TSPAN18: variants seen among roughly 807,000 people sequenced by gnomAD.
TSPAN18 encodes tetraspanin-18.
A neutral mutation model predicts 27.3 loss-of-function variants in TSPAN18; 14 were observed. The observed-to-expected ratio is 0.51, with a 90% confidence interval of 0.34 to 0.80. The LOEUF (loss-of-function observed/expected upper bound fraction) is 0.80, where lower values mean the gene tolerates loss of function less well. TSPAN18 is among the 30% of genes least tolerant of loss of function. The probability of loss-of-function intolerance (pLI) is 0.01; values close to 1 mark genes in which losing one functional copy is unlikely to be tolerated. For synonymous variants in TSPAN18, 143 were observed against 136.5 expected (o/e 1.05, Z -0.33); for missense variants, 268 against 323.9 (o/e 0.83, Z 1.32).
intron 3 of TSPAN18, among the ~76,000 whole-genome samples, chr11:44,892,273 C>T (rs1383848295): frequency 2.0e-5 from 3 of 152,206 alleles, no homozygotes; most frequent in African/African-American, 4.8e-5. Flanking sequence ...CTGCTGGGCT[C>T]ACATGACAGG....
At position 44,925,162 on chromosome 11, in the gene TSPAN18, CTG is replaced by C. The variant is rs148210410; in HGVS notation, c.616-1511_616-1510del. Among the ~76,000 whole-genome samples, 11 of 152,364 alleles carry C rather than the reference CTG, an allele frequency of 7.2e-5. No homozygotes were observed. In the East Asian group the frequency reaches 2.1e-3, roughly 29 times the overall value. On this transcript the variant is annotated intron_variant, in intron 8 of 9. Coordinates refer to ENST00000520358, the MANE Select transcript of TSPAN18 (RefSeq NM_130783.5). ...TTAAGACCTTTTCTCCTTGTCATCT[CTG>C]GGCTTGAGGTCTTTCAAAGCCTGGC...
chr11:44,894,839 C>G (rs11038188), intron 3 of TSPAN18, among the ~76,000 whole-genome samples: 110,308 of 152,060 alleles, frequency 0.73, 41,349 homozygotes, highest in Non-Finnish European at 0.84. Context: ...GGAGACTTTG[C>G]AGACTGGGGC....
chr11:44,920,461 C>A (rs1054963013), intron 8 of TSPAN18, among the ~76,000 whole-genome samples: 1 of 135,908 alleles, frequency 7.4e-6, no homozygotes, highest in Non-Finnish European at 1.5e-5. Context: ...GTCAGAGAAG[C>A]TCCTAGACTT....
At chr11:44,892,174 G>A (rs1166408667) in intron 3 of TSPAN18, among the ~76,000 whole-genome samples, 1 of 152,130 alleles carries the variant, frequency 6.6e-6, no homozygotes, top group Non-Finnish European at 1.5e-5. Flanking sequence ...GGGTTTCCCT[G>A]CCACACCTGG....
chr11:44,895,430 T>A (rs1859007028), intron 3 of TSPAN18, among the ~76,000 whole-genome samples: 1 of 152,216 alleles, frequency 6.6e-6, no homozygotes, highest in African/African-American at 2.4e-5. Flanking sequence ...TCCCAAGGTC[T>A]CCAGGGAGCT....
intron 1 of TSPAN18, chr11:44,736,064 AG>A (rs1854785892): frequency 6.6e-6 from 1 of 152,220 alleles, no homozygotes; most frequent in Admixed American, 6.5e-5. Flanking sequence ...CAGTGCAAAA[AG>A]GTTAAGTAAT....
chr11:44,915,922 G>C (rs902737924), intron 5 of TSPAN18, among the ~76,000 whole-genome samples: 6 of 152,328 alleles, frequency 3.9e-5, no homozygotes, highest in Non-Finnish European at 7.4e-5. Context: ...CTGGAGCCCA[G>C]TGAGACCTCA....
At chr11:44,778,985 A>G (rs929122906) in intron 2 of TSPAN18, among the ~76,000 whole-genome samples, 1 of 152,108 alleles carries the variant, frequency 6.6e-6, no homozygotes. Context: ...AGATGCCATT[A>G]GGCTCGGTCT....
rs71038824 is a variant in TSPAN18, at chr11:44,867,389, CTTTTTTTTT to C, written c.-11+6939_-11+6947del. The stretch of plus-strand genomic sequence containing the variant: ...ACTGGAGAAGGCTTGGTTTATGAAT[CTTTTTTTTT>C]TTTTTTTTTTTTTTTTTTCAGACAG... On this transcript the variant is annotated intron_variant, in intron 3 of 9. Coordinates refer to ENST00000520358, the MANE Select transcript of TSPAN18 (RefSeq NM_130783.5). Among the ~76,000 whole-genome samples the C allele has an allele frequency of 5.3e-3, 318 of 60,416 alleles. 5 individuals carry two copies. Among genetic ancestry groups the C allele is most frequent in the Middle Eastern group, 0.043 (2 of 46 alleles). 39.6% of individuals were successfully genotyped at this position (60,416 alleles called of 152,430 possible). A position where few individuals can be genotyped will look rare whatever the true frequency, so the allele number is the denominator to read the frequency against.
chr11:44,756,248 G>C (rs4755289), intron 1 of TSPAN18, among the ~76,000 whole-genome samples: 3,101 of 148,024 alleles, frequency 0.021, 56 homozygotes, highest in Middle Eastern at 0.058. Context: ...TGTGAATTAA[G>C]TGTGTTGTGT....
intron 2 of TSPAN18, among the ~76,000 whole-genome samples, chr11:44,811,619 C>T (rs185760161): frequency 1.2e-3 from 184 of 152,202 alleles, no homozygotes; most frequent in African/African-American, 4.1e-3. Flanking sequence ...GCCACCACAC[C>T]TGGCTAATTT....
In TSPAN18 at chr11:44,918,064, A is replaced by G. The variant is rs1037584198; in HGVS notation, c.333+18A>G. The G allele has an allele frequency of 8.7e-6, 14 of 1,613,254 alleles. No homozygotes were observed. Among genetic ancestry groups the G allele is most frequent in the Non-Finnish European group, 1.2e-5 (14 of 1,179,708 alleles). ...GGGAAAATGTACGTATCAGGCCCCA[A>G]GCTTTCCTGCCTCCTGCTATCAGCA... On this transcript the variant is annotated intron_variant, in intron 6 of 9. Transcript: ENST00000520358.
Position 44,728,108 on chromosome 11 carries a change from C to G in TSPAN18, c.-240+821C>G, listed in dbSNP as rs181791673. ...ATCCAGGACGCAGGGACCACAGACACCCAACTTACGCGGGGTCCCGCCCCG... is the reference window on the plus strand; with the variant it reads ...ATCCAGGACGCAGGGACCACAGACAGCCAACTTACGCGGGGTCCCGCCCCG... On this transcript the variant is annotated intron_variant, in intron 1 of 9. Coordinates refer to ENST00000520358, the MANE Select transcript of TSPAN18 (RefSeq NM_130783.5). 3.6e-3 allele frequency among the ~76,000 whole-genome samples: 542 copies of G among 152,310 alleles called. 5 individuals carry two copies. Among genetic ancestry groups the G allele is most frequent in the African/African-American group, 0.013 (523 of 41,582 alleles).
chr11:44,923,452 G>A (rs1383585550), intron 8 of TSPAN18, among the ~76,000 whole-genome samples: 5 of 152,172 alleles, frequency 3.3e-5, no homozygotes, highest in African/African-American at 1.2e-4. Context: ...AGGGGAAACC[G>A]TCACGGGGTG....
chr11:44,881,034 T>C (rs1858475568), intron 3 of TSPAN18, among the ~76,000 whole-genome samples: 1 of 152,234 alleles, frequency 6.6e-6, no homozygotes, highest in African/African-American at 2.4e-5. Flanking sequence ...GCAGTTGTTA[T>C]AAGCCCAGAC....
At chr11:44,871,237 G>T (rs1362239371) in intron 3 of TSPAN18, among the ~76,000 whole-genome samples, 1 of 152,164 alleles carries the variant, frequency 6.6e-6, no homozygotes, top group Admixed American at 6.5e-5. Flanking sequence ...AGATGCTAGA[G>T]GCTGGAAGTC....
chr11:44,885,451 C>T (rs570515911), intron 3 of TSPAN18, among the ~76,000 whole-genome samples: 51 of 152,270 alleles, frequency 3.3e-4, no homozygotes, highest in African/African-American at 1.1e-3. Flanking sequence ...AGCGTCCTTC[C>T]GGGCCTGGAG....
At chr11:44,848,317 C>T (rs1167754163) in intron 2 of TSPAN18, among the ~76,000 whole-genome samples, 2 of 152,146 alleles carry the variant, frequency 1.3e-5, no homozygotes, top group East Asian at 3.9e-4. Flanking sequence ...GGCTGGTACC[C>T]TAGGAACCAG....
intron 3 of TSPAN18, among the ~76,000 whole-genome samples, chr11:44,867,616 CTCAAACTCCTGACCTCAGGTGA>C (rs1351783011): frequency 6.6e-6 from 1 of 152,010 alleles, no homozygotes; most frequent in Non-Finnish European, 1.5e-5. Context: ...CCAGGGTGGT[CTCAAACTCCTGACCTCAGGTGA>C]TCCACCCTCC....
Sources: allele counts gnomAD v4.1 joint callset (sites outside exome capture counted in the v4.1 genomes callset), GRCh38; gene constraint gnomAD v4.1.1; transcripts MANE v1.5; gene names NCBI Gene and HGNC (gene_info 2026-07-23, HGNC 2026-07-21).